Variants in CUL1 observed in about 807,000 individuals in gnomAD.
The protein encoded by CUL1 is cullin 1, also known as cullin-1.
Under a neutral mutation model 118.0 loss-of-function variants are expected in CUL1, and 24 were observed. The ratio of observed to expected loss-of-function variants is 0.20; its 90% CI spans 0.15 to 0.29. CUL1 has a LOEUF of 0.29. CUL1 is among the 10% of genes least tolerant of loss of function. The probability of loss-of-function intolerance (pLI) is 1.00; values close to 1 mark genes in which losing one functional copy is unlikely to be tolerated. For missense variants in CUL1, 361 were observed against 933.8 expected (o/e 0.39, Z 7.99); for synonymous variants, 332 against 340.4 (o/e 0.98, Z 0.27).
intron 2 of CUL1, among the ~76,000 whole-genome samples, chr7:148,746,716 C>G (rs1799319145): frequency 6.6e-6 from 1 of 152,182 alleles, no homozygotes; most frequent in Non-Finnish European, 1.5e-5. Flanking sequence ...CTGTTTAAGT[C>G]TAAAACAGGT....
rs542834970 is a variant in CUL1, at chr7:148,711,559, G to A, written c.-162+12530G>A. Among the ~76,000 whole-genome samples the A allele has an allele frequency of 2.0e-4, 31 of 152,292 alleles. 1 individual carries two copies. The South Asian group carries it at 3.7e-3, about 18-fold the overall frequency. ...TAAATCAAATAAAGAGCACGGTAGC[G>A]CCGTTTCTCCTTTTGAACCAGTTTG... On this transcript the variant is annotated intron_variant, in intron 1 of 21. Transcript: ENST00000325222.
Position 148,797,930 on chromosome 7 carries a change from C to G in CUL1, c.1948-7C>G. 1 of 1,612,122 alleles carries G rather than the reference C, an allele frequency of 6.2e-7. No homozygotes were observed. The highest frequency in any genetic ancestry group is 8.5e-7 in the Non-Finnish European group (1 of 1,178,516). On this transcript the variant is annotated splice_region_variant and splice_polypyrimidine_tract_variant and intron_variant, in intron 18 of 21. Transcript: ENST00000325222. ...GAGATTGTAGAGTAACAATTGTTTT[C>G]TTACAGGTCTTGGAAGATGAAAATG...
intron 9 of CUL1, chr7:148,783,360 T>G (rs925101916): frequency 1.1e-5 from 11 of 984,992 alleles, no homozygotes; most frequent in Non-Finnish European, 1.3e-5. Flanking sequence ...AGCCCCGCTT[T>G]CCCTCGCGTT....
intron 13 of CUL1, among the ~76,000 whole-genome samples, chr7:148,788,332 GT>G (rs1800889289): frequency 6.6e-6 from 1 of 152,220 alleles, no homozygotes; most frequent in Non-Finnish European, 1.5e-5. Context: ...TGAATTGTGT[GT>G]GTGAACACTT....
At chr7:148,699,547 G>C (rs1166755931) in intron 1 of CUL1, among the ~76,000 whole-genome samples, 1 of 152,184 alleles carries the variant, frequency 6.6e-6, no homozygotes, top group Non-Finnish European at 1.5e-5. Context: ...TGTGAGCTCT[G>C]GGCTCAAGCG....
intron 1 of CUL1, among the ~76,000 whole-genome samples, chr7:148,710,195 C>T (rs1324486316): frequency 1.3e-5 from 2 of 152,270 alleles, no homozygotes; most frequent in African/African-American, 4.8e-5. Context: ...CAAATAAATA[C>T]AAATTGTACA....
At chr7:148,722,848 G>C (rs1434153405) in intron 1 of CUL1, among the ~76,000 whole-genome samples, 1 of 152,232 alleles carries the variant, frequency 6.6e-6, no homozygotes, top group Non-Finnish European at 1.5e-5. Context: ...CCTTGATTGA[G>C]AACCCTCTTC....
intron 1 of CUL1, among the ~76,000 whole-genome samples, chr7:148,711,825 A>G (rs1798064268): frequency 6.6e-6 from 1 of 152,226 alleles, no homozygotes; most frequent in African/African-American, 2.4e-5. Flanking sequence ...CACATGAGGG[A>G]AATTTGGAAA....
chr7:148,727,270 CAT>C (rs1429326641), intron 1 of CUL1, among the ~76,000 whole-genome samples: 1 of 152,076 alleles, frequency 6.6e-6, no homozygotes, highest in Non-Finnish European at 1.5e-5. Context: ...AACAGCAAGA[CAT>C]AAATTTTAGC....
At chr7:148,790,507 C>A in intron 16 of CUL1, 66 bp downstream of exon 16, 1 of 1,377,360 alleles carries the variant, frequency 7.3e-7, no homozygotes, top group Non-Finnish European at 1.0e-6. Flanking sequence ...TTATGGAAAT[C>A]ATTATCAGCT....
chr7:148,746,334 G>T (rs1014788095), intron 2 of CUL1, among the ~76,000 whole-genome samples: 18 of 152,190 alleles, frequency 1.2e-4, no homozygotes, highest in Admixed American at 9.2e-4. Flanking sequence ...TATCAGTGAT[G>T]ACCTAGTCAT....
intron 14 of CUL1, among the ~76,000 whole-genome samples, chr7:148,789,409 G>C (rs1800934767): frequency 6.6e-6 from 1 of 152,064 alleles, no homozygotes; most frequent in African/African-American, 2.4e-5. Context: ...GATGATGCCG[G>C]GCCTGGCAAG....
At chr7:148,700,813 C>T (rs1288033489) in intron 1 of CUL1, among the ~76,000 whole-genome samples, 1 of 152,122 alleles carries the variant, frequency 6.6e-6, no homozygotes, top group East Asian at 1.9e-4. Context: ...TTTAGATATG[C>T]TAGGGTTTTT....
chr7:148,742,695 G>A (rs1355583086), intron 2 of CUL1, among the ~76,000 whole-genome samples: 2 of 143,238 alleles, frequency 1.4e-5, no homozygotes, highest in African/African-American at 2.5e-5. Flanking sequence ...TCTGCCTCCC[G>A]GGTTCAAGCG....
intron 1 of CUL1, among the ~76,000 whole-genome samples, chr7:148,713,409 T>C (rs1798112938): frequency 6.6e-6 from 1 of 152,238 alleles, no homozygotes; most frequent in South Asian, 2.1e-4. Context: ...CCAGTGACGC[T>C]TGTGGCATCT....
chr7:148,769,916 A>G (rs1166289912), intron 9 of CUL1, among the ~76,000 whole-genome samples: 2 of 152,214 alleles, frequency 1.3e-5, no homozygotes, highest in Non-Finnish European at 2.9e-5. Flanking sequence ...TTTCAGTTTT[A>G]TAGGAAAGAT....
At chr7:148,708,694 A>G (rs1371526243) in intron 1 of CUL1, among the ~76,000 whole-genome samples, 1 of 152,230 alleles carries the variant, frequency 6.6e-6, no homozygotes, top group African/African-American at 2.4e-5. Context: ...GTATCATGCT[A>G]ACATGCTTTT....
At chr7:148,767,891 G>T (rs1800057791) in intron 9 of CUL1, 142 bp downstream of exon 9, 5 of 846,700 alleles carry the variant, frequency 5.9e-6, no homozygotes, top group Non-Finnish European at 9.0e-6. Context: ...TCTTTTTGAA[G>T]TAGATAGTTC....
chr7:148,784,460 A>G (rs1234244249), intron 11 of CUL1, among the ~76,000 whole-genome samples: 2 of 152,176 alleles, frequency 1.3e-5, no homozygotes, highest in Non-Finnish European at 1.5e-5. Context: ...GCTGTTTCAT[A>G]TTCTTTACTT....
Sources: allele counts gnomAD v4.1 joint callset (sites outside exome capture counted in the v4.1 genomes callset), GRCh38; gene constraint gnomAD v4.1.1; transcripts MANE v1.5; gene names NCBI Gene and HGNC (gene_info 2026-07-23, HGNC 2026-07-21).